BIRC6: variants seen among roughly 807,000 people sequenced by gnomAD.
BIRC6 encodes dual E2 ubiquitin-conjugating enzyme/E3 ubiquitin-protein ligase BIRC6.
A neutral mutation model predicts 503.3 loss-of-function variants in BIRC6; 98 were observed. The ratio of observed to expected loss-of-function variants is 0.19; its 90% CI spans 0.17 to 0.23. BIRC6 has a LOEUF of 0.23. Among genes scored for constraint, BIRC6 ranks in the 10% least tolerant of loss-of-function variants. The pLI is 1.00. For missense variants in BIRC6, 5,360 were observed against 5,806.0 expected (o/e 0.92, Z 2.50); for synonymous variants, 2,240 against 2,078.7 (o/e 1.08, Z -2.11).
intron 66 of BIRC6, among the ~76,000 whole-genome samples, chr2:32,583,879 C>T (rs537008538): frequency 2.6e-5 from 4 of 152,222 alleles, no homozygotes; most frequent in East Asian, 3.9e-4. Context: ...TACAGGCTCC[C>T]GCCACCACGC....
chr2:32,424,543 T>G (rs1243621863), intron 10 of BIRC6, among the ~76,000 whole-genome samples: 3 of 151,778 alleles, frequency 2.0e-5, no homozygotes, highest in Non-Finnish European at 4.4e-5. Context: ...AGATGGAGTT[T>G]CACGCTTGTT....
chr2:32,380,591 G>C (rs1380019801), intron 3 of BIRC6, among the ~76,000 whole-genome samples: 2 of 152,110 alleles, frequency 1.3e-5, no homozygotes, highest in Non-Finnish European at 2.9e-5. Context: ...GCCAGGCGTG[G>C]TGGCAGGCGC....
chr2:32,385,029 A>G (rs891640008), intron 3 of BIRC6, among the ~76,000 whole-genome samples: 1 of 152,194 alleles, frequency 6.6e-6, no homozygotes, highest in Non-Finnish European at 1.5e-5. Context: ...TCTGTTAACT[A>G]GTGAGGATCT....
At chr2:32,488,498 A>C in intron 41 of BIRC6, 90 bp from the exon 42 acceptor site, 1 of 1,132,260 alleles carries the variant, frequency 8.8e-7, no homozygotes, top group Non-Finnish European at 1.2e-6. Context: ...TTTACTCGTG[A>C]CAAGAATTTA....
At chr2:32,439,407 C>A in intron 15 of BIRC6, 101 bp from the exon 16 acceptor site, 1 of 1,197,008 alleles carries the variant, frequency 8.4e-7, no homozygotes, top group Middle Eastern at 2.0e-4. Context: ...GCCTACTGTA[C>A]TTTTTGTGGA....
At chr2:32,584,888 G>A (rs753490252) in intron 66 of BIRC6, among the ~76,000 whole-genome samples, 10 of 151,978 alleles carry the variant, frequency 6.6e-5, no homozygotes, top group Non-Finnish European at 8.8e-5. Flanking sequence ...AACCATAAAC[G>A]TTTTATTTTT....
intron 53 of BIRC6, among the ~76,000 whole-genome samples, chr2:32,511,476 ATTTTTTTTT>A (rs1166383796): frequency 7.6e-4 from 61 of 80,158 alleles, no homozygotes; most frequent in Admixed American, 2.0e-3. Context: ...TAACTGACTA[ATTTTTTTTT>A]TTTTTTTTTT....
At chr2:32,367,439 G>A (rs1430887458) in intron 1 of BIRC6, among the ~76,000 whole-genome samples, 1 of 151,500 alleles carries the variant, frequency 6.6e-6, no homozygotes, top group African/African-American at 2.4e-5. Flanking sequence ...ATCCGGCCAG[G>A]GCAACAACAG....
chr2:32,418,780 T>C (rs2042637759), intron 10 of BIRC6, among the ~76,000 whole-genome samples: 1 of 152,142 alleles, frequency 6.6e-6, no homozygotes, highest in African/African-American at 2.4e-5. Flanking sequence ...TTAAGTTTTT[T>C]AGCATTTAAA....
At chr2:32,487,201 T>C (rs1022869341) in intron 40 of BIRC6, among the ~76,000 whole-genome samples, 1 of 152,156 alleles carries the variant, frequency 6.6e-6, no homozygotes, top group Non-Finnish European at 1.5e-5. Context: ...ATTAGTTTTG[T>C]GTGTAACCTG....
chr2:32,548,364 A>ATTTT (rs1491147471), intron 64 of BIRC6, among the ~76,000 whole-genome samples: 9 of 68,044 alleles, frequency 1.3e-4, no homozygotes, highest in Non-Finnish European at 2.1e-4. Flanking sequence ...TTGGTTGCTT[A>ATTTT]CTTTTTTTTT....
At chr2:32,588,052 A>G (rs2061169955) in intron 66 of BIRC6, among the ~76,000 whole-genome samples, 1 of 152,186 alleles carries the variant, frequency 6.6e-6, no homozygotes, top group Non-Finnish European at 1.5e-5. Context: ...TTTTTCTTGC[A>G]GTATTAACTG....
chr2:32,508,224 A>G lies in BIRC6; in HGVS notation c.9945A>G (p.Pro3315=). 1 of 1,579,736 alleles carries G rather than the reference A, an allele frequency of 6.3e-7. No homozygotes were observed. The highest frequency in any genetic ancestry group is 8.6e-7 in the Non-Finnish European group (1 of 1,165,970). ...GTTSSATVNN[P]FLPSEDQVSK... is the part of the protein sequence containing the mutation. The stretch of plus-strand genomic sequence containing the variant: ...CCTCTTCTGCAACAGTTAATAATCC[A>G]TTCCTTCCATCTGAAGATCAGGTAT... The change falls in exon 51 of 74, where the codon CCA becomes CCG. Residue 3315 remains proline, a synonymous_variant. Coordinates refer to ENST00000421745, the MANE Select transcript of BIRC6 (RefSeq NM_016252.4).
chr2:32,587,421 G>A (rs1397180238), intron 66 of BIRC6, among the ~76,000 whole-genome samples: 2 of 152,088 alleles, frequency 1.3e-5, no homozygotes, highest in African/African-American at 4.8e-5. Flanking sequence ...TGGCAATGAA[G>A]TAAAATATTT....
intron 8 of BIRC6, 35 bp downstream of exon 8, chr2:32,401,658 G>T: frequency 6.5e-7 from 1 of 1,542,022 alleles, no homozygotes; most frequent in South Asian, 1.2e-5. Context: ...TTTAATAGAT[G>T]TTACATGTTT....
At chr2:32,498,880 A>G (rs932969375) in intron 45 of BIRC6, among the ~76,000 whole-genome samples, 1 of 152,130 alleles carries the variant, frequency 6.6e-6, no homozygotes, top group African/African-American at 2.4e-5. Context: ...ATGCCTGGCT[A>G]ATTTTTGTAT....
rs367894620 is a variant in BIRC6, at chr2:32,427,739, G to GGTGTGT, written c.2873-1392_2873-1387dup. Among the ~76,000 whole-genome samples the GGTGTGT allele has an allele frequency of 1.8e-4, 27 of 150,568 alleles. No homozygotes were observed. In the South Asian group the frequency reaches 5.0e-3, roughly 28 times the overall value. ...TCTGAAGTCCGAGAAGACATTTTCA[G>GGTGTGT]GTGTGTGTGTGTGTGTGTGTTTTAC... On this transcript the variant is annotated intron_variant, in intron 10 of 73. Transcript: ENST00000421745.
intron 4 of BIRC6, among the ~76,000 whole-genome samples, chr2:32,389,863 ATT>A (rs1311770533): frequency 4.3e-5 from 6 of 140,028 alleles, no homozygotes; most frequent in African/African-American, 2.6e-5. Flanking sequence ...TGCATGGCTG[ATT>A]TTTTTTTTTT....
Position 32,536,445 on chromosome 2 carries a change from A to T in BIRC6, c.12291+4894A>T, listed in dbSNP as rs560503060. Among the ~76,000 whole-genome samples the T allele has an allele frequency of 2.6e-5, 4 of 152,302 alleles. No individual in the cohort carries two copies. The South Asian group carries it at 8.3e-4, about 32-fold the overall frequency. ...TAGGGTTTTTATGGTTTTAGGTCTAACATTTAAGTCTTTGATGCATCTTGA... is the reference window on the plus strand; with the variant it reads ...TAGGGTTTTTATGGTTTTAGGTCTATCATTTAAGTCTTTGATGCATCTTGA... On this transcript the variant is annotated intron_variant, in intron 61 of 73. Transcript: ENST00000421745.
Sources: gnomAD v4.1 joint callset for allele counts (sites outside exome capture counted in the v4.1 genomes callset) on GRCh38, gnomAD v4.1.1 for gene constraint, MANE v1.5 for transcripts, NCBI Gene and HGNC (gene_info 2026-07-23, HGNC 2026-07-21) for gene names.